The following MMD2 variants were observed in gnomAD, a reference collection of about 807,000 sequenced individuals.
MMD2 encodes the protein monocyte to macrophage differentiation factor 2.
In MMD2, 30 loss-of-function variants were observed where a neutral mutation model predicts 33.5. The ratio of observed to expected loss-of-function variants is 0.90; its 90% CI spans 0.67 to 1.22. MMD2 has a LOEUF of 1.22. MMD2 is among the 50% of genes most tolerant of loss of function. The probability of loss-of-function intolerance (pLI) is 0.00; values close to 1 mark genes in which losing one functional copy is unlikely to be tolerated. For synonymous variants in MMD2, 129 were observed against 123.0 expected (o/e 1.05, Z -0.32); for missense variants, 364 against 325.4 (o/e 1.12, Z -0.91).
At position 4,959,098 on chromosome 7, in the gene MMD2, AG is replaced by A. The variant is rs1786470555; in HGVS notation, c.-82del. On this transcript the variant is annotated 5_prime_UTR_variant, in exon 1 of 7. Coordinates refer to ENST00000401401, the MANE Select transcript of MMD2 (RefSeq NM_198403.4). Reference sequence around the variant, plus strand: ...GCCTGGGGGGCGCGGCGGCGGCAGCAGCAGGTTGGAGGGCGCGCGGCGGGGG... The same window carrying A: ...GCCTGGGGGGCGCGGCGGCGGCAGCACAGGTTGGAGGGCGCGCGGCGGGGG... 12 of 1,142,186 alleles carry A rather than the reference AG, an allele frequency of 1.1e-5. No homozygotes were observed. Among genetic ancestry groups the A allele is most frequent in the Non-Finnish European group, 1.3e-5 (12 of 898,726 alleles). The allele number at this position is 1,142,186 out of a possible 1,614,324, so 70.8% of individuals were successfully genotyped here.
downstream of MMD2, among the ~76,000 whole-genome samples, chr7:4,903,806 C>T (rs565730744): frequency 6.6e-6 from 1 of 152,354 alleles, no homozygotes; most frequent in Non-Finnish European, 1.5e-5. Flanking sequence ...CACAGGCCAG[C>T]CTGCTGCCGA....
chr7:4,898,384 C>T, the MMD2 span, among the ~76,000 whole-genome samples: 2 of 152,138 alleles, frequency 1.3e-5, no homozygotes, highest in African/African-American at 2.4e-5. Flanking sequence ...TGGGAATGTA[C>T]CACTAAGAAC....
rs1266340633 is a variant in MMD2 at position 4,909,917 on chromosome 7, T to G, written c.501A>C (p.Val167=). The change falls in exon 6 of 7, where the codon GTA becomes GTC. Residue 167 remains valine (V), a synonymous_variant. Coordinates refer to ENST00000401401, the MANE Select transcript of MMD2 (RefSeq NM_198403.4). ...YKLVELLCYV[V]MGFFPALVIL... ...TGACCAGGGCGGGGAAGAAGCCCATTACGACGTAGCAGAGAAGCTCCACAA... is the reference window on the plus strand; with the variant it reads ...TGACCAGGGCGGGGAAGAAGCCCATGACGACGTAGCAGAGAAGCTCCACAA... 1 of 1,613,878 alleles carries G rather than the reference T, an allele frequency of 6.2e-7. No homozygotes were observed. Among genetic ancestry groups the G allele is most frequent in the Admixed American group, 1.7e-5 (1 of 59,992 alleles).
At chr7:4,895,339 G>T in the MMD2 span, among the ~76,000 whole-genome samples, 5 of 152,182 alleles carry the variant, frequency 3.3e-5, no homozygotes, top group Non-Finnish European at 5.9e-5. Flanking sequence ...GCCTCCCAAA[G>T]TACTGGGATT....
At chr7:4,921,456 T>C (rs1785282257) in intron 2 of MMD2, among the ~76,000 whole-genome samples, 1 of 151,332 alleles carries the variant, frequency 6.6e-6, no homozygotes. Flanking sequence ...CCGTCTCAAC[T>C]GAAAAATACA....
chr7:4,913,817 A>G (rs1426626808), intron 4 of MMD2, among the ~76,000 whole-genome samples: 2 of 144,076 alleles, frequency 1.4e-5, no homozygotes, highest in Non-Finnish European at 3.0e-5. Flanking sequence ...GCCTGCCACC[A>G]CGCCCGACTA....
rs113133509 is a variant in MMD2, at chr7:4,946,397, A to G, written c.47+12574T>C. ...AAATGAAACCTTGGCTTTATCTAAG[A>G]TAATAATGAAAATCCAAGTACTTTA... On this transcript the variant is annotated intron_variant, in intron 1 of 6. Transcript: ENST00000401401. This position sits in a 1 kb window ranked among gnomAD's most constrained non-coding sequence, Gnocchi z 5.0. Among the ~76,000 whole-genome samples the G allele has an allele frequency of 7.2e-3, 1,094 of 152,312 alleles. 8 individuals are homozygous for G. Among genetic ancestry groups the G allele is most frequent in the South Asian group, 0.018 (87 of 4,830 alleles).
At chr7:4,927,966 A>C (rs1785476798) in intron 1 of MMD2, among the ~76,000 whole-genome samples, 1 of 152,144 alleles carries the variant, frequency 6.6e-6, no homozygotes, top group African/African-American at 2.4e-5. Flanking sequence ...TCGGGGACTT[A>C]GTCAGTCTGG....
intron 1 of MMD2, among the ~76,000 whole-genome samples, chr7:4,952,558 C>T (rs1786274657): frequency 6.6e-6 from 1 of 152,182 alleles, no homozygotes; most frequent in Non-Finnish European, 1.5e-5. Flanking sequence ...CTGTATACCA[C>T]TCTGCACGCA....
chr7:4,892,581 C>G, the MMD2 span, among the ~76,000 whole-genome samples: 1 of 90,368 alleles, frequency 1.1e-5, no homozygotes, highest in African/African-American at 5.5e-5. Flanking sequence ...AAGCAAGACT[C>G]TGCTATAAAT....
the MMD2 span, among the ~76,000 whole-genome samples, chr7:4,894,043 C>T: frequency 1.3e-5 from 2 of 152,070 alleles, no homozygotes; most frequent in South Asian, 4.1e-4. This position sits in a 1 kb window ranked among gnomAD's most constrained non-coding sequence, Gnocchi z 4.3. Flanking sequence ...CTTAGAATGC[C>T]TTAACCTCCT....
intron 6 of MMD2, among the ~76,000 whole-genome samples, chr7:4,908,976 G>A (rs1443482135): frequency 6.6e-6 from 1 of 151,866 alleles, no homozygotes; most frequent in Admixed American, 6.6e-5. Context: ...GGATGGTGGT[G>A]ATGGACGCAC....
chr7:4,947,028 T>C (rs1786105374), intron 1 of MMD2, among the ~76,000 whole-genome samples: 1 of 152,044 alleles, frequency 6.6e-6, no homozygotes, highest in African/African-American at 2.4e-5. Context: ...GCCAACTTGG[T>C]GAAACCCCAT....
intron 1 of MMD2, among the ~76,000 whole-genome samples, chr7:4,943,210 C>G (rs1018518330): frequency 1.3e-5 from 2 of 151,290 alleles, no homozygotes; most frequent in Non-Finnish European, 2.9e-5. Context: ...GGAGTTTCAC[C>G]ATGTTGGCCA....
At chr7:4,922,385 C>G (rs1038514119) in intron 2 of MMD2, among the ~76,000 whole-genome samples, 2 of 152,064 alleles carry the variant, frequency 1.3e-5, no homozygotes, top group Non-Finnish European at 2.9e-5. Context: ...GTCTGGTCAA[C>G]AGGGCGAAAC....
At chr7:4,955,424 G>T (rs1786358056) in intron 1 of MMD2, among the ~76,000 whole-genome samples, 1 of 152,104 alleles carries the variant, frequency 6.6e-6, no homozygotes, top group Non-Finnish European at 1.5e-5. Flanking sequence ...ATGTCACACA[G>T]AATTTAATTT....
In MMD2 at chr7:4,946,474, T is replaced by C. The variant is rs141523734; in HGVS notation, c.47+12497A>G. Among the ~76,000 whole-genome samples, 50 of 152,208 alleles carry C rather than the reference T, an allele frequency of 3.3e-4. No homozygotes were observed. Among genetic ancestry groups the C allele is most frequent in the Non-Finnish European group, 5.3e-4 (36 of 68,012 alleles). ...GGAAGTGGGGGTGCAGAGTCTTCAC[T>C]AAGGGAGGATCTTGAAAAAGCATAA... On this transcript the variant is annotated intron_variant, in intron 1 of 6. Coordinates refer to ENST00000401401, the MANE Select transcript of MMD2 (RefSeq NM_198403.4). This position sits in a 1 kb window ranked among gnomAD's most constrained non-coding sequence, Gnocchi z 5.0.
chr7:4,921,995 CCAGGA>C (rs1785298740), intron 2 of MMD2, among the ~76,000 whole-genome samples: 1 of 151,654 alleles, frequency 6.6e-6, no homozygotes, highest in Non-Finnish European at 1.5e-5. Context: ...GAGGCTGAGG[CCAGGA>C]GGATCACCTG....
At chr7:4,951,258 A>G (rs1368707601) in intron 1 of MMD2, among the ~76,000 whole-genome samples, 1 of 151,970 alleles carries the variant, frequency 6.6e-6, no homozygotes, top group Non-Finnish European at 1.5e-5. Context: ...TTCCCACTGG[A>G]GCCCAAATCC....
Sources: allele counts gnomAD v4.1 joint callset (sites outside exome capture counted in the v4.1 genomes callset), GRCh38; gene constraint gnomAD v4.1.1; non-coding constraint Gnocchi (gnomAD v3.1); transcripts MANE v1.5; gene names NCBI Gene and HGNC (gene_info 2026-07-23, HGNC 2026-07-21).